NPHP3: variants seen among roughly 807,000 people sequenced by gnomAD.
The protein encoded by NPHP3 is nephrocystin 3, also known as nephrocystin-3.
In NPHP3, 123 loss-of-function variants were observed where a neutral mutation model predicts 171.9. That is an observed-to-expected ratio of 0.72 (90% CI 0.62 to 0.83). The LOEUF (loss-of-function observed/expected upper bound fraction) is 0.83, where lower values mean the gene tolerates loss of function less well. Ranked by LOEUF, NPHP3 falls within the 40% of genes least tolerant of loss-of-function variation. The probability of loss-of-function intolerance (pLI) is 0.00; values close to 1 mark genes in which losing one functional copy is unlikely to be tolerated. For missense variants in NPHP3, 1,506 were observed against 1,591.9 expected (o/e 0.95, Z 0.92); for synonymous variants, 558 against 579.2 (o/e 0.96, Z 0.52).
rs368570508 is a variant in NPHP3 at position 132,716,877 on chromosome 3, C to T, written c.703G>A (p.Gly235Arg). Residue 235 changes from glycine (G) to arginine (R), a missense_variant, in exon 4 of 27, where the codon GGA (glycine) becomes AGA (arginine). Coordinates refer to ENST00000337331, the MANE Select transcript of NPHP3 (RefSeq NM_153240.5). ...AGTQCEYWTG[G>R]ALGSEPSIGS... ...ATGGAAGGTTCACTTCCCAAGGCTCCGCCAGTCCAATATTCACATTGGGTT... is the reference window on the plus strand; with the variant it reads ...ATGGAAGGTTCACTTCCCAAGGCTCTGCCAGTCCAATATTCACATTGGGTT... 1.8e-5 allele frequency: 29 copies of T among 1,613,956 alleles called. No individual in the cohort carries two copies. Among genetic ancestry groups the T allele is most frequent in the African/African-American group, 1.5e-4 (11 of 74,904 alleles).
In NPHP3 at chr3:132,704,322, C is replaced by T; in HGVS notation, c.1400G>A (p.Ser467Asn). The change falls in exon 9 of 27, where the codon AGT (serine) becomes AAT (asparagine). Residue 467 changes from serine to asparagine, a missense_variant. Ser to Asn is a conservative substitution (Grantham distance 46, BLOSUM62 1). Transcript: ENST00000337331. ...ATCTTCTTCTGGAATGGAATCCTCA[C>T]TGCCCAAATCCTTAGTCTCCAAGTC... ...NTDLETKDLG[S>N]EDSIPEEDDF... 6.2e-7 allele frequency: 1 copy of T among 1,614,192 alleles called. No homozygotes were observed. Among genetic ancestry groups the T allele is most frequent in the South Asian group, 1.1e-5 (1 of 91,084 alleles).
Position 132,693,676 on chromosome 3 carries a change from A to T in NPHP3, c.2311-858T>A, listed in dbSNP as rs538449518. On this transcript the variant is annotated intron_variant, in intron 16 of 26. Coordinates refer to ENST00000337331, the MANE Select transcript of NPHP3 (RefSeq NM_153240.5). The stretch of plus-strand genomic sequence containing the variant: ...ATCACGAGGCCAGGAGATCGAGACC[A>T]TCCTGGCTATCACGGTGAAACCCCA... 2.0e-5 allele frequency: 3 copies of T among 152,484 alleles called. No individual in the cohort carries two copies. The South Asian group carries it at 6.2e-4, about 32-fold the overall frequency. 9.4% of individuals were successfully genotyped at this position (152,484 alleles called of 1,614,324 possible).
chr3:132,691,099 G>T, intron 18 of NPHP3, 93 bp downstream of exon 18: 2 of 961,934 alleles, frequency 2.1e-6, no homozygotes, highest in Admixed American at 1.7e-5. Flanking sequence ...TTAAGTTTTT[G>T]TACTTTAAGT....
chr3:132,698,822 C>G (rs1939525945), intron 13 of NPHP3, among the ~76,000 whole-genome samples: 1 of 152,144 alleles, frequency 6.6e-6, no homozygotes, highest in African/African-American at 2.4e-5. Context: ...ATTAATTTCT[C>G]AAGTCAGAAA....
Position 132,687,046 on chromosome 3 carries a change from A to G in NPHP3, c.3201+105T>C, listed in dbSNP as rs536030978. ...TTAAGTAGTTCTCTTCTAAAAAACT[A>G]GAAGATTTTAAAATCTAAAGCTCTT... On this transcript the variant is annotated intron_variant, in intron 22 of 26. Transcript: ENST00000337331. 36 of 639,480 alleles carry G rather than the reference A, an allele frequency of 5.6e-5. No individual in the cohort carries two copies. In the East Asian group the frequency reaches 7.0e-4, roughly 12 times the overall value. The allele number at this position is 639,480 out of a possible 1,614,324, so 39.6% of individuals were successfully genotyped here.
chr3:132,705,428 G>A (rs1056727251), intron 8 of NPHP3, among the ~76,000 whole-genome samples: 1 of 152,108 alleles, frequency 6.6e-6, no homozygotes, highest in African/African-American at 2.4e-5. Flanking sequence ...ATTCACAGAG[G>A]AGCCTCCCTA....
intron 13 of NPHP3, among the ~76,000 whole-genome samples, chr3:132,698,058 T>G (rs920789061): frequency 8.6e-5 from 13 of 151,992 alleles, no homozygotes; most frequent in Admixed American, 2.0e-4. Flanking sequence ...CTCGGCTCAC[T>G]GCAACCTCTG....
At position 132,722,401 on chromosome 3, in the gene NPHP3, CAGCGG is replaced by C; in HGVS notation, c.-51_-47del. 6.5e-7 allele frequency: 1 copy of C among 1,545,836 alleles called. No homozygotes were observed. The highest frequency in any genetic ancestry group is 1.8e-5 in the Admixed American group (1 of 54,530). On this transcript the variant is annotated 5_prime_UTR_variant, in exon 1 of 27. Transcript: ENST00000337331. ...CCTAGTGAGTACCAGCAGGACTGGG[CAGCGG>C]AACGGAACGGGACGGGGTGGGGCAG... is the stretch of plus-strand genomic sequence containing the variant.
intron 13 of NPHP3, among the ~76,000 whole-genome samples, chr3:132,698,296 G>A (rs1261012461): frequency 4.0e-5 from 6 of 151,668 alleles, no homozygotes; most frequent in African/African-American, 1.5e-4. Context: ...TGTTTTTTGA[G>A]ATGGGAGTTT....
chr3:132,717,336 C>T (rs1940080629), intron 3 of NPHP3: 1 of 173,250 alleles, frequency 5.8e-6, no homozygotes. Flanking sequence ...AGGACATAAA[C>T]TCTTTGCAGC....
In NPHP3 at chr3:132,722,027, A is replaced by T; in HGVS notation, c.329T>A (p.Leu110Ter). 1 of 1,613,172 alleles carries T rather than the reference A, an allele frequency of 6.2e-7. No individual in the cohort carries two copies. Among genetic ancestry groups the T allele is most frequent in the Non-Finnish European group, 8.5e-7 (1 of 1,179,876 alleles). Residue 110 changes from leucine (L) to a stop codon, truncating the protein, a stop_gained, in exon 1 of 27, where the codon TTG becomes TAG. Coordinates refer to ENST00000337331, the MANE Select transcript of NPHP3 (RefSeq NM_153240.5). LOFTEE classifies it high-confidence loss of function. Reference protein sequence around the residue: ...IFRVSKNQELLSMGRREAKLD... With the variant: ...IFRVSKNQEL The stretch of plus-strand genomic sequence containing the variant: ...CTTGGCCTCGCGGCGGCCCATGGAC[A>T]ACAACTCCTGGTTCTTGCTGACGCG...
At chr3:132,702,681 C>A (rs1180267572) in intron 9 of NPHP3, among the ~76,000 whole-genome samples, 2 of 152,148 alleles carry the variant, frequency 1.3e-5, no homozygotes, top group Non-Finnish European at 2.9e-5. Flanking sequence ...TAATGAATTA[C>A]TTGGTATAGT....
Position 132,697,290 on chromosome 3 carries a change from G to A in NPHP3, c.2058C>T (p.His686=). The change falls in exon 14 of 27, where the codon CAC becomes CAT. Residue 686 remains histidine (H), a synonymous_variant. Coordinates refer to ENST00000337331, the MANE Select transcript of NPHP3 (RefSeq NM_153240.5). ...CTTTACTCAATTTAATGTCTACAGA[G>A]TGGCATTCTGCAATTATAATAGATT... ...DAKSIIIAEC[H]SVDIKLSKEQ... The A allele has an allele frequency of 6.2e-7, 1 of 1,611,106 alleles. No homozygotes were observed. The highest frequency in any genetic ancestry group is 1.1e-5 in the South Asian group (1 of 91,038).
rs929617381 is a variant in NPHP3, at chr3:132,715,309, G to A, written c.824-91C>T. Reference sequence around the variant, plus strand: ...TTTTAAAAACATAACAGGCATCATAGAATGGAATCTGATCTTACATGTTAA... The same window carrying A: ...TTTTAAAAACATAACAGGCATCATAAAATGGAATCTGATCTTACATGTTAA... On this transcript the variant is annotated intron_variant, in intron 4 of 26. Transcript: ENST00000337331. 7 of 1,031,526 alleles carry A rather than the reference G, an allele frequency of 6.8e-6. No individual in the cohort carries two copies. In the African/African-American group the frequency reaches 1.1e-4, roughly 16 times the overall value. The allele number at this position is 1,031,526 out of a possible 1,614,324, so 63.9% of individuals were successfully genotyped here.
chr3:132,682,526 A>T (rs1352329582), intron 26 of NPHP3, 177 bp downstream of exon 26: 2 of 614,694 alleles, frequency 3.3e-6, no homozygotes, highest in Admixed American at 2.8e-5. Context: ...AAAATAGATC[A>T]TGCAGGCTTC....
chr3:132,692,604 G>T, intron 17 of NPHP3, 50 bp downstream of exon 17: 1 of 1,518,086 alleles, frequency 6.6e-7, no homozygotes, highest in Non-Finnish European at 9.1e-7. Flanking sequence ...TGACAGAGAA[G>T]ACCCTGTTTC....
intron 4 of NPHP3, 75 bp downstream of exon 4, chr3:132,716,682 T>C (rs1342439918): frequency 3.3e-6 from 5 of 1,497,230 alleles, no homozygotes; most frequent in Non-Finnish European, 4.6e-6. Context: ...ATGGTATTAA[T>C]AGTTCCAGCA....
At position 132,722,216 on chromosome 3, in the gene NPHP3, C is replaced by G; in HGVS notation, c.140G>C (p.Arg47Pro). ...KARLLRNSFRRGAGAAAGAGP... is the reference protein window; with the variant it reads ...KARLLRNSFRPGAGAAAGAGP... Reference sequence around the variant, plus strand: ...GGCCCCTGCTGCCGCCCCCGCGCCTCGGCGGAACGAGTTGCGCAGCAGGCG... The same window carrying G: ...GGCCCCTGCTGCCGCCCCCGCGCCTGGGCGGAACGAGTTGCGCAGCAGGCG... The change falls in exon 1 of 27, where the codon CGA becomes CCA. Residue 47 changes from arginine to proline, a missense_variant. Coordinates refer to ENST00000337331, the MANE Select transcript of NPHP3 (RefSeq NM_153240.5). The G allele has an allele frequency of 1.3e-6, 2 of 1,535,440 alleles. No homozygotes were observed. The highest frequency in any genetic ancestry group is 1.7e-6 in the Non-Finnish European group (2 of 1,151,698).
At position 132,681,922 on chromosome 3, in the gene NPHP3, T is replaced by C. The variant is rs750360691; in HGVS notation, c.3981A>G (p.Gln1327=). Residue 1327 remains glutamine, a synonymous_variant, in exon 27 of 27, where the codon CAA becomes CAG. Transcript: ENST00000337331. ...CTAACTGCTGCTATTACCTTTGTCC[T>C]TGCTGAAGGAAAACATTAGGAGAAT... is the stretch of plus-strand genomic sequence containing the variant. The part of the protein sequence containing the change: ...TAHSPNVFLQ[Q]GQR 4.0e-5 allele frequency: 65 copies of C among 1,614,028 alleles called. No homozygotes were observed. Among genetic ancestry groups the C allele is most frequent in the Non-Finnish European group, 5.4e-5 (64 of 1,179,864 alleles).
Sources: allele counts gnomAD v4.1 joint callset (sites outside exome capture counted in the v4.1 genomes callset), GRCh38; gene constraint gnomAD v4.1.1; transcripts MANE v1.5; gene names NCBI Gene and HGNC (gene_info 2026-07-23, HGNC 2026-07-21).